TNRC6A: variants seen among roughly 807,000 people sequenced by gnomAD.
TNRC6A encodes trinucleotide repeat-containing gene 6A protein.
Under a neutral mutation model 221.2 loss-of-function variants are expected in TNRC6A, and 44 were observed. That is an observed-to-expected ratio of 0.20 (90% CI 0.16 to 0.26). The LOEUF (loss-of-function observed/expected upper bound fraction) is 0.26. TNRC6A is among the 10% of genes least tolerant of loss of function. The pLI is 1.00. For synonymous variants in TNRC6A, 847 were observed against 838.5 expected, an observed-to-expected ratio of 1.01 and a Z score of -0.18; for missense variants, 2,199 against 2,404.4, an observed-to-expected ratio of 0.91 and a Z score of 1.79.
At position 24,794,526 on chromosome 16, in the gene TNRC6A, T is replaced by C; in HGVS notation, c.3353-18T>C. On this transcript the variant is annotated intron_variant, in intron 7 of 24. Transcript: ENST00000395799. ...TTATTAAAGTATGTTTCTCTTTATA[T>C]CACAAATCCACAATCAGGGCCAAAA... 3.1e-6 allele frequency: 5 copies of C among 1,600,464 alleles called. No individual in the cohort carries two copies. The highest frequency in any genetic ancestry group is 4.3e-6 in the Non-Finnish European group (5 of 1,175,088).
At chr16:24,768,797 T>G (rs2057530387) in intron 4 of TNRC6A, among the ~76,000 whole-genome samples, 1 of 152,218 alleles carries the variant, frequency 6.6e-6, no homozygotes, top group Admixed American at 6.5e-5. Flanking sequence ...TTAGAAGATT[T>G]ACAAAGTAGC....
At chr16:24,655,562 G>T (rs1314536620) in intron 2 of TNRC6A, among the ~76,000 whole-genome samples, 1 of 152,100 alleles carries the variant, frequency 6.6e-6, no homozygotes, top group Non-Finnish European at 1.5e-5. Flanking sequence ...GGTGGCACAT[G>T]TCTGTAATCC....
chr16:24,610,250 A>G (rs11639980), exon 1 of TNRC6A: 13,971 of 152,324 alleles, frequency 0.092, 763 homozygotes, highest in African/African-American at 0.14. Flanking sequence ...TGTGACTCCC[A>G]GGGCTACGTG....
At chr16:24,623,086 G>T (rs965933641) in intron 1 of TNRC6A, among the ~76,000 whole-genome samples, 1 of 152,162 alleles carries the variant, frequency 6.6e-6, no homozygotes, top group Non-Finnish European at 1.5e-5. Flanking sequence ...AGAAAATTTG[G>T]TGCATCAGTA....
At chr16:24,735,914 C>T (rs1256754215) in intron 2 of TNRC6A, among the ~76,000 whole-genome samples, 1 of 152,190 alleles carries the variant, frequency 6.6e-6, no homozygotes, top group Non-Finnish European at 1.5e-5. Context: ...CCTGTAATCC[C>T]AGCACTTTGG....
intron 4 of TNRC6A, among the ~76,000 whole-genome samples, chr16:24,772,853 C>G (rs2057641012): frequency 6.6e-6 from 1 of 152,152 alleles, no homozygotes; most frequent in African/African-American, 2.4e-5. Context: ...CTGATGGACA[C>G]TTTCATAAAT....
intron 2 of TNRC6A, among the ~76,000 whole-genome samples, chr16:24,656,533 A>G (rs1340210994): frequency 6.6e-6 from 1 of 152,086 alleles, no homozygotes; most frequent in East Asian, 1.9e-4. Context: ...TACATAGAAC[A>G]TATATTTAAA....
chr16:24,741,600 TTGGTACC>T (rs1479352615), intron 2 of TNRC6A, among the ~76,000 whole-genome samples: 3 of 152,228 alleles, frequency 2.0e-5, no homozygotes, highest in African/African-American at 7.2e-5. Flanking sequence ...TGGTTCTCTT[TTGGTACC>T]TGGTACCTGA....
chr16:24,627,501 C>T (rs893951972), intron 1 of TNRC6A, among the ~76,000 whole-genome samples: 1 of 151,962 alleles, frequency 6.6e-6, no homozygotes, highest in African/African-American at 2.4e-5. Flanking sequence ...AGACCTCTCT[C>T]GCTCTTAATA....
Position 24,806,729 on chromosome 16 carries a change from A to G in TNRC6A, c.4485A>G (p.Thr1495=). 1 of 1,614,068 alleles carries G rather than the reference A, an allele frequency of 6.2e-7. No homozygotes were observed. The highest frequency in any genetic ancestry group is 8.5e-7 in the Non-Finnish European group (1 of 1,180,000). The change falls in exon 17 of 25, where the codon ACA becomes ACG. Residue 1495 remains threonine, a synonymous_variant. Transcript: ENST00000395799. ...TTGACAATGTCATGCCCCACACTACACCTGAGCTGCAAAAAGGGCCATCAC... is the reference window on the plus strand; with the variant it reads ...TTGACAATGTCATGCCCCACACTACGCCTGAGCTGCAAAAAGGGCCATCAC... ...SFLDNVMPHT[T]PELQKGPSPI... is the part of the protein sequence containing the mutation.
intron 2 of TNRC6A, among the ~76,000 whole-genome samples, chr16:24,651,077 G>A (rs1343326305): frequency 6.6e-6 from 1 of 151,126 alleles, no homozygotes; most frequent in Non-Finnish European, 1.5e-5. Flanking sequence ...CTTCTCTAAA[G>A]AAACTCTGTC....
chr16:24,656,466 C>CAA (rs71156432), intron 2 of TNRC6A, among the ~76,000 whole-genome samples: 4,097 of 122,442 alleles, frequency 0.033, 99 homozygotes, highest in Middle Eastern at 0.05. Flanking sequence ...GACTCCATCT[C>CAA]AAAAAAAAAA....
intron 2 of TNRC6A, among the ~76,000 whole-genome samples, chr16:24,690,018 AAAAAAAAAAT>A (rs1235967368): frequency 1.1e-3 from 61 of 55,012 alleles, no homozygotes; most frequent in African/African-American, 4.8e-3. Context: ...AAAAAAAAAA[AAAAAAAAAAT>A]TTTTTTTTTT....
intron 2 of TNRC6A, among the ~76,000 whole-genome samples, chr16:24,703,787 T>C (rs569263983): frequency 3.9e-5 from 6 of 152,214 alleles, no homozygotes; most frequent in African/African-American, 1.4e-4. Context: ...AAACTCTATG[T>C]TTAGATTTTT....
chr16:24,682,390 T>A (rs898176097), intron 2 of TNRC6A, among the ~76,000 whole-genome samples: 3 of 55,158 alleles, frequency 5.4e-5, no homozygotes, highest in African/African-American at 2.2e-4. Context: ...CACGCCCAGC[T>A]TTTTTTTTTT....
At chr16:24,647,761 G>A (rs184726403) in intron 2 of TNRC6A, among the ~76,000 whole-genome samples, 32 of 152,156 alleles carry the variant, frequency 2.1e-4, no homozygotes, top group African/African-American at 3.4e-4. Flanking sequence ...ACAGGCACGC[G>A]CCACCATGCC....
intron 1 of TNRC6A, among the ~76,000 whole-genome samples, chr16:24,638,314 A>G (rs1008624705): frequency 6.6e-6 from 1 of 152,148 alleles, no homozygotes; most frequent in Non-Finnish European, 1.5e-5. Context: ...GCCACTCATG[A>G]GGCTGAGGTG....
chr16:24,800,109 C>T (rs1031112830), intron 11 of TNRC6A, among the ~76,000 whole-genome samples: 2 of 152,118 alleles, frequency 1.3e-5, no homozygotes, highest in African/African-American at 2.4e-5. Context: ...GCCATTGTTG[C>T]GGTTTTTGTT....
rs769885714 is a variant in TNRC6A at position 24,777,122 on chromosome 16, A to C, written c.353A>C (p.Gln118Pro). The C allele has an allele frequency of 5.6e-6, 9 of 1,593,642 alleles. No individual in the cohort carries two copies. The highest frequency in any genetic ancestry group is 1.1e-5 in the South Asian group (1 of 89,252). Residue 118 changes from glutamine (Q) to proline (P), a missense_variant, in exon 5 of 25, where the codon CAG (glutamine) becomes CCG (proline). Around this residue, in one of 8 missense-constraint regions of TNRC6A, gnomAD observed 1,405 missense variants for 1,400.2 expected, o/e 1.00. Transcript: ENST00000395799. ...CAGCAGCAGCCACAGCCGCAGCCGCAGCAGCAGCAGCCACAGCAGCAGCCA... is the reference window on the plus strand; with the variant it reads ...CAGCAGCAGCCACAGCCGCAGCCGCCGCAGCAGCAGCCACAGCAGCAGCCA... ...QPQQQPQPQP[Q>P]QQQPQQQPQA...
Sources: gnomAD v4.1 joint callset for allele counts (sites outside exome capture counted in the v4.1 genomes callset) on GRCh38, gnomAD v4.1.1 for gene constraint, gnomAD v4.1.1 regional missense constraint, MANE v1.5 for transcripts, NCBI Gene and HGNC (gene_info 2026-07-23, HGNC 2026-07-21) for gene names.